ASXL3: variants seen among roughly 807,000 people sequenced by gnomAD.
The protein encoded by ASXL3 is ASXL transcriptional regulator 3.
ASXL3 carries 34 observed loss-of-function variants against 170.6 expected under a neutral mutation model. That is an observed-to-expected ratio of 0.20 (90% CI 0.15 to 0.27). ASXL3 has a LOEUF of 0.27. ASXL3 is among the 10% of genes least tolerant of loss of function. The pLI is 1.00. For synonymous variants in ASXL3, 1,002 were observed against 989.1 expected (o/e 1.01, Z -0.24); for missense variants, 2,592 against 2,695.3 (o/e 0.96, Z 0.85).
chr18:33,713,610 A>G (rs1419382114), intron 8 of ASXL3, among the ~76,000 whole-genome samples: 1 of 152,132 alleles, frequency 6.6e-6, no homozygotes, highest in Non-Finnish European at 1.5e-5. Flanking sequence ...GTAAAAGGAA[A>G]TGTTTAATAT....
chr18:33,743,849 T>G lies in ASXL3; in HGVS notation c.4001T>G (p.Val1334Gly). The G allele has an allele frequency of 6.2e-7, 1 of 1,614,004 alleles. No homozygotes were observed. The highest frequency in any genetic ancestry group is 8.5e-7 in the Non-Finnish European group (1 of 1,179,898). Residue 1334 changes from valine (V) to glycine (G), a missense_variant, in exon 12 of 12, where the codon GTC becomes GGC. Around this residue, in one of 4 missense-constraint regions of ASXL3, gnomAD observed 2,246 missense variants for 2,219.6 expected, o/e 1.01. Transcript: ENST00000269197. ...LISSSSASNL[V>G]STQYTSVPTP... is the part of the protein sequence containing the mutation. The stretch of plus-strand genomic sequence containing the variant: ...TCAAGCAGCAGTGCTAGTAACTTAG[T>G]CTCCACTCAGTACACCTCTGTGCCA...
chr18:33,702,440 C>T (rs1451672717), intron 8 of ASXL3, among the ~76,000 whole-genome samples: 1 of 152,106 alleles, frequency 6.6e-6, no homozygotes, highest in Non-Finnish European at 1.5e-5. Context: ...AGTGAAGCTA[C>T]TTTCTCTGCA....
At chr18:33,656,360 A>G (rs1054266070) in intron 4 of ASXL3, among the ~76,000 whole-genome samples, 8 of 152,092 alleles carry the variant, frequency 5.3e-5, no homozygotes, top group Non-Finnish European at 1.0e-4. Context: ...CAGAAATGAA[A>G]TTGGTAAAAG....
At chr18:33,651,578 CA>C (rs1229359912) in intron 4 of ASXL3, among the ~76,000 whole-genome samples, 1 of 152,028 alleles carries the variant, frequency 6.6e-6, no homozygotes, top group East Asian at 1.9e-4. Flanking sequence ...GAATATTAAC[CA>C]TCAATTTGTA....
At chr18:33,717,234 A>C (rs1349642659) in intron 8 of ASXL3, among the ~76,000 whole-genome samples, 1 of 152,114 alleles carries the variant, frequency 6.6e-6, no homozygotes, top group Admixed American at 6.6e-5. Context: ...AGAGCAACAA[A>C]ACATTAAACT....
At chr18:33,629,610 C>G (rs2145169032) in intron 2 of ASXL3, among the ~76,000 whole-genome samples, 1 of 152,050 alleles carries the variant, frequency 6.6e-6, no homozygotes, top group African/African-American at 2.4e-5. Flanking sequence ...CTTTTCTACC[C>G]CGATTACATT....
intron 8 of ASXL3, among the ~76,000 whole-genome samples, chr18:33,686,409 CATAAT>C (rs1184459229): frequency 6.6e-6 from 1 of 152,116 alleles, no homozygotes; most frequent in African/African-American, 2.4e-5. Flanking sequence ...ACATAAATGT[CATAAT>C]AGAAGTATGA....
intron 8 of ASXL3, among the ~76,000 whole-genome samples, chr18:33,689,262 G>A (rs1213162117): frequency 6.6e-6 from 1 of 152,158 alleles, no homozygotes; most frequent in African/African-American, 2.4e-5. Context: ...CCAAAGTGCT[G>A]GGATTACAGG....
At chr18:33,728,977 T>C (rs1335478776) in intron 8 of ASXL3, among the ~76,000 whole-genome samples, 1 of 152,054 alleles carries the variant, frequency 6.6e-6, no homozygotes, top group Non-Finnish European at 1.5e-5. Flanking sequence ...ATGAGTAAAC[T>C]GAGGGGGAAA....
intron 8 of ASXL3, among the ~76,000 whole-genome samples, chr18:33,731,464 A>G (rs1321718905): frequency 6.6e-6 from 1 of 152,072 alleles, no homozygotes; most frequent in African/African-American, 2.4e-5. Flanking sequence ...TTATGCTTTT[A>G]TCTCTAACCA....
At chr18:33,590,419 G>T (rs560064634) in intron 1 of ASXL3, among the ~76,000 whole-genome samples, 5 of 152,214 alleles carry the variant, frequency 3.3e-5, no homozygotes, top group Admixed American at 3.3e-4. Context: ...CAAGGATCAT[G>T]TAGAGAGGAG....
In ASXL3 at chr18:33,744,234, A is replaced by G. The variant is rs1318513970; in HGVS notation, c.4386A>G (p.Pro1462=). 6.2e-7 allele frequency: 1 copy of G among 1,613,596 alleles called. No individual in the cohort carries two copies. Among genetic ancestry groups the G allele is most frequent in the African/African-American group, 1.3e-5 (1 of 74,938 alleles). ...AGCAACCACCAGGGGGCTTTGCACC[A>G]GCAGCCATAAACCGATCAATTCCGT... ...KPQQPPGGFA[P]AAINRSIPCK... Residue 1462 remains proline (P), a synonymous_variant, in exon 12 of 12, where the codon CCA becomes CCG. Coordinates refer to ENST00000269197, the MANE Select transcript of ASXL3 (RefSeq NM_030632.3).
chr18:33,645,646 G>A (rs1470421770), intron 3 of ASXL3, among the ~76,000 whole-genome samples: 1 of 151,868 alleles, frequency 6.6e-6, no homozygotes, highest in East Asian at 1.9e-4. Flanking sequence ...ACAAATGGTT[G>A]TGTAACTTGG....
chr18:33,606,552 A>G (rs1330245663), intron 1 of ASXL3, among the ~76,000 whole-genome samples: 1 of 151,960 alleles, frequency 6.6e-6, no homozygotes, highest in Admixed American at 6.6e-5. Context: ...ACAGATTTGG[A>G]AGCCTTTTCA....
intron 2 of ASXL3, among the ~76,000 whole-genome samples, chr18:33,611,565 A>G (rs2145132072): frequency 6.6e-6 from 1 of 152,214 alleles, no homozygotes; most frequent in East Asian, 1.9e-4. Flanking sequence ...GAATCATATA[A>G]TCAAATGGCC....
Position 33,671,746 on chromosome 18 carries a change from G to T in ASXL3, c.596-1G>T. On this transcript the variant is annotated splice_acceptor_variant, in intron 6 of 11. Coordinates refer to ENST00000269197, the MANE Select transcript of ASXL3 (RefSeq NM_030632.3). LOFTEE classifies it high-confidence loss of function. ...GACATAATAACTATTTCCTTTTTTA[G>T]GATCTGAATCTAAAAATGGTGAAGC... 6.3e-7 allele frequency: 1 copy of T among 1,597,654 alleles called. No homozygotes were observed. The highest frequency in any genetic ancestry group is 2.2e-5 in the East Asian group (1 of 44,568).
At chr18:33,665,395 T>G (rs1164854895) in intron 5 of ASXL3, among the ~76,000 whole-genome samples, 1 of 152,324 alleles carries the variant, frequency 6.6e-6, no homozygotes, top group East Asian at 1.9e-4. Context: ...GATAGTAGTT[T>G]CTGAACATGG....
chr18:33,697,173 T>G (rs897588246), intron 8 of ASXL3, among the ~76,000 whole-genome samples: 2 of 152,156 alleles, frequency 1.3e-5, no homozygotes, highest in Non-Finnish European at 2.9e-5. Context: ...ACCCTTTATG[T>G]GTTACTGAAA....
In ASXL3 at chr18:33,743,602, C is replaced by T; in HGVS notation, c.3754C>T (p.His1252Tyr). ...TGCTATATCGGGAGCAATTAAAGAACATCCCTTTGTGAGTTCTGTTGATAA... is the reference window on the plus strand; with the variant it reads ...TGCTATATCGGGAGCAATTAAAGAATATCCCTTTGTGAGTTCTGTTGATAA... Reference protein sequence around the residue: ...STAISGAIKEHPFVSSVDKSS... With the variant: ...STAISGAIKEYPFVSSVDKSS... Residue 1252 changes from histidine (H) to tyrosine (Y), a missense_variant, in exon 12 of 12, where the codon CAT (histidine) becomes TAT (tyrosine). Physicochemically the swap from His to Tyr is moderately conservative, Grantham distance 83. Around this residue, in one of 4 missense-constraint regions of ASXL3, gnomAD observed 2,246 missense variants for 2,219.6 expected, o/e 1.01. Coordinates refer to ENST00000269197, the MANE Select transcript of ASXL3 (RefSeq NM_030632.3). The T allele has an allele frequency of 6.2e-7, 1 of 1,613,424 alleles. No individual in the cohort carries two copies. The highest frequency in any genetic ancestry group is 8.5e-7 in the Non-Finnish European group (1 of 1,179,876).
Sources: allele counts gnomAD v4.1 joint callset (sites outside exome capture counted in the v4.1 genomes callset), GRCh38; gene constraint gnomAD v4.1.1; regional missense constraint gnomAD v4.1.1; transcripts MANE v1.5; gene names NCBI Gene and HGNC (gene_info 2026-07-23, HGNC 2026-07-21).